The following SYN3 variants were observed in gnomAD, a reference collection of about 807,000 sequenced individuals.
SYN3 encodes the protein synapsin III.
SYN3 carries 35 observed loss-of-function variants against 65.8 expected under a neutral mutation model. The observed-to-expected ratio is 0.53, with a 90% CI of 0.41 to 0.70. The LOEUF (loss-of-function observed/expected upper bound fraction) is 0.70, where lower values mean the gene tolerates loss of function less well. Ranked by LOEUF, SYN3 falls within the 30% of genes least tolerant of loss-of-function variation. The pLI is 0.00. For synonymous variants in SYN3, 270 were observed against 292.9 expected (o/e 0.92, Z 0.80); for missense variants, 680 against 749.0 (o/e 0.91, Z 1.08).
chr22:32,747,741 G>A (rs2044981669), intron 6 of SYN3, among the ~76,000 whole-genome samples: 2 of 152,194 alleles, frequency 1.3e-5, no homozygotes, highest in South Asian at 4.2e-4. Context: ...CAGTGAGTGG[G>A]TTCCAGCGCC....
At chr22:32,818,154 A>T (rs1192659138) in intron 6 of SYN3, among the ~76,000 whole-genome samples, 1 of 152,224 alleles carries the variant, frequency 6.6e-6, no homozygotes, top group Admixed American at 6.5e-5. Context: ...TTGTCTGAAA[A>T]TTAATGGCAC....
At chr22:32,836,206 T>C (rs1254041732) in intron 6 of SYN3, among the ~76,000 whole-genome samples, 1 of 152,236 alleles carries the variant, frequency 6.6e-6, no homozygotes, top group Non-Finnish European at 1.5e-5. Context: ...GTTTGTAAAG[T>C]GTGTCTGTCT....
chr22:32,833,022 C>T (rs746662097), intron 6 of SYN3, among the ~76,000 whole-genome samples: 1 of 152,124 alleles, frequency 6.6e-6, no homozygotes, highest in South Asian at 2.1e-4. Flanking sequence ...CGTGAGCCAC[C>T]GCGCCCAGCA....
intron 1 of SYN3, among the ~76,000 whole-genome samples, chr22:33,023,722 G>A (rs938111415): frequency 2.6e-5 from 4 of 152,014 alleles, no homozygotes; most frequent in East Asian, 1.9e-4. Context: ...ACAGTGCGAC[G>A]CTGTCTCAAA....
intron 6 of SYN3, among the ~76,000 whole-genome samples, chr22:32,838,391 C>T (rs879390916): frequency 3.3e-5 from 5 of 152,302 alleles, no homozygotes; most frequent in Non-Finnish European, 5.9e-5. Flanking sequence ...AGAGGGGCAG[C>T]TGGAGGCCAG....
chr22:32,659,914 C>A (rs1268273743), intron 6 of SYN3, among the ~76,000 whole-genome samples: 1 of 152,192 alleles, frequency 6.6e-6, no homozygotes, highest in Admixed American at 6.5e-5. Context: ...ACAGGCAATA[C>A]CTAAACTGTC....
intron 10 of SYN3, among the ~76,000 whole-genome samples, chr22:32,531,369 T>G (rs2058068705): frequency 6.6e-6 from 1 of 151,818 alleles, no homozygotes; most frequent in Non-Finnish European, 1.5e-5. Context: ...CCCCTGCCCC[T>G]GCCAACCCCA....
At chr22:32,888,335 C>A (rs142075137) in intron 4 of SYN3, among the ~76,000 whole-genome samples, 13 of 152,210 alleles carry the variant, frequency 8.5e-5, no homozygotes, top group Middle Eastern at 3.4e-3. Flanking sequence ...TCTGTTCTAA[C>A]TCATGTTCTC....
chr22:32,682,724 G>A (rs373791453), intron 6 of SYN3, among the ~76,000 whole-genome samples: 1,958 of 149,562 alleles, frequency 0.013, 43 homozygotes, highest in African/African-American at 0.046. Flanking sequence ...ATTGCACAGC[G>A]TTTGACGAAT....
chr22:32,824,674 C>T (rs1331793656), intron 6 of SYN3, among the ~76,000 whole-genome samples: 1 of 152,134 alleles, frequency 6.6e-6, no homozygotes, highest in Non-Finnish European at 1.5e-5. Context: ...TACTTGTATT[C>T]GTTGAATGGG....
At chr22:32,814,802 A>G (rs566885199) in intron 6 of SYN3, among the ~76,000 whole-genome samples, 1 of 152,320 alleles carries the variant, frequency 6.6e-6, no homozygotes, top group South Asian at 2.1e-4. Context: ...AGGGAAAAAA[A>G]CTAGATTGAT....
chr22:33,039,696 G>A (rs970246093), intron 1 of SYN3, among the ~76,000 whole-genome samples: 22 of 151,860 alleles, frequency 1.4e-4, no homozygotes, highest in South Asian at 4.2e-4. Flanking sequence ...GTGAGCCACC[G>A]CGCCTGGCCT....
At chr22:32,673,951 T>G (rs1444625515) in intron 6 of SYN3, among the ~76,000 whole-genome samples, 1 of 152,086 alleles carries the variant, frequency 6.6e-6, no homozygotes, top group Non-Finnish European at 1.5e-5. Context: ...CGATTGCATA[T>G]GAGCTACTCT....
chr22:32,872,936 C>CTT lies in SYN3; in HGVS notation c.462-3813_462-3812dup, dbSNP rs35506480. On this transcript the variant is annotated intron_variant, in intron 4 of 13. Transcript: ENST00000358763. ...AGTTGGGTGCAACGTGCCCTAAGCA[C>CTT]TTTTTTTTTTTTTTTTTTTTTGAGA... Among the ~76,000 whole-genome samples the CTT allele has an allele frequency of 4.4e-3, 505 of 115,158 alleles. 8 individuals carry two copies. The highest frequency in any genetic ancestry group is 0.012 in the African/African-American group (351 of 28,628). 75.5% of individuals were successfully genotyped at this position (115,158 alleles called of 152,430 possible).
intron 1 of SYN3, among the ~76,000 whole-genome samples, chr22:33,011,119 G>T (rs2053340966): frequency 6.6e-6 from 1 of 152,042 alleles, no homozygotes; most frequent in Non-Finnish European, 1.5e-5. Context: ...ATATTGAACA[G>T]AAATCATGAA....
chr22:32,549,995 A>G (rs1601613590), intron 7 of SYN3, among the ~76,000 whole-genome samples: 1 of 152,196 alleles, frequency 6.6e-6, no homozygotes, highest in Non-Finnish European at 1.5e-5. Flanking sequence ...TCCTCACTGT[A>G]TATATCTTGT....
At chr22:32,659,688 G>A (rs2060190450) in intron 6 of SYN3, among the ~76,000 whole-genome samples, 1 of 152,116 alleles carries the variant, frequency 6.6e-6, no homozygotes, top group Non-Finnish European at 1.5e-5. Flanking sequence ...TCTTCCACTG[G>A]GTGTGACCCT....
intron 3 of SYN3, among the ~76,000 whole-genome samples, chr22:32,948,944 G>A (rs1332664291): frequency 6.6e-6 from 1 of 151,260 alleles, no homozygotes; most frequent in Admixed American, 6.6e-5. Flanking sequence ...GATACAGGTT[G>A]AACATTCCTT....
Position 32,513,520 on chromosome 22 carries a change from G to T in SYN3, c.*172C>A. On this transcript the variant is annotated 3_prime_UTR_variant, in exon 14 of 14. Transcript: ENST00000358763. ...TCAGACAATGCTGGAATGTCACGGT[G>T]AAGGAAAATGGGAACAAATATAGAT... is the stretch of plus-strand genomic sequence containing the variant. 2 of 896,564 alleles carry T rather than the reference G, an allele frequency of 2.2e-6. No homozygotes were observed. The highest frequency in any genetic ancestry group is 1.6e-6 in the Non-Finnish European group (1 of 615,058). The allele number at this position is 896,564 out of a possible 1,614,324, so 55.5% of individuals were successfully genotyped here.
Sources: allele counts gnomAD v4.1 joint callset (sites outside exome capture counted in the v4.1 genomes callset), GRCh38; gene constraint gnomAD v4.1.1; transcripts MANE v1.5; gene names NCBI Gene and HGNC (gene_info 2026-07-23, HGNC 2026-07-21).